RGS8: variants seen among roughly 807,000 people sequenced by gnomAD.
RGS8 encodes the protein regulator of G protein signaling 8.
Under a neutral mutation model 21.7 loss-of-function variants are expected in RGS8, and 8 were observed. That is an observed-to-expected ratio of 0.37 (90% CI 0.22 to 0.66). The LOEUF (loss-of-function observed/expected upper bound fraction) is 0.66. Ranked by LOEUF, RGS8 falls within the 30% of genes least tolerant of loss-of-function variation. The pLI is 0.59. For missense variants in RGS8, 157 were observed against 217.9 expected, an observed-to-expected ratio of 0.72 and a Z score of 1.76; for synonymous variants, 80 against 83.6, an observed-to-expected ratio of 0.96 and a Z score of 0.24.
chr1:182,701,705 C>T, the RGS8 span, among the ~76,000 whole-genome samples: 2 of 152,170 alleles, frequency 1.3e-5, no homozygotes, highest in Non-Finnish European at 2.9e-5. Context: ...TAGGCAGAGG[C>T]AAAGGAATCC....
the RGS8 span, among the ~76,000 whole-genome samples, chr1:182,705,316 G>C: frequency 6.6e-6 from 1 of 152,164 alleles, no homozygotes; most frequent in African/African-American, 2.4e-5. Context: ...AGCAGACAGA[G>C]CAAATTTACC....
rs944812453 is a variant in RGS8, at chr1:182,664,397, C to T, written c.193+1572G>A. ...TTATTAAATTTCTCATATTCAGTGA[C>T]AGGTAGCAAGCATCTCCATCACTAT... On this transcript the variant is annotated intron_variant, in intron 5 of 6. Coordinates refer to ENST00000483095, the Ensembl canonical transcript of RGS8. Among the ~76,000 whole-genome samples, 7 of 152,224 alleles carry T rather than the reference C, an allele frequency of 4.6e-5. No individual in the cohort carries two copies. The South Asian group carries it at 1.0e-3, about 23-fold the overall frequency.
upstream of RGS8, among the ~76,000 whole-genome samples, chr1:182,675,327 C>T (rs1473341521): frequency 6.6e-6 from 1 of 152,052 alleles, no homozygotes; most frequent in African/African-American, 2.4e-5. Context: ...TCATTTCCTC[C>T]CATCCATTGA....
chr1:182,666,256 G>T (rs766477851), intron 4 of RGS8, among the ~76,000 whole-genome samples: 1 of 152,150 alleles, frequency 6.6e-6, no homozygotes, highest in Non-Finnish European at 1.5e-5. Context: ...AGTGAATTTT[G>T]TCTGTTGGCT....
Position 182,670,975 on chromosome 1 carries a change from G to A in RGS8, c.-104+682C>T, listed in dbSNP as rs138203074. On this transcript the variant is annotated intron_variant, in intron 2 of 6. Coordinates refer to ENST00000483095, the Ensembl canonical transcript of RGS8. Reference sequence around the variant, plus strand: ...TCTTGCTGTGGGATATGGCCCCAGGGGAAGGGGAAACTCATGCAGGGACCT... The same window carrying A: ...TCTTGCTGTGGGATATGGCCCCAGGAGAAGGGGAAACTCATGCAGGGACCT... Among the ~76,000 whole-genome samples the A allele has an allele frequency of 5.8e-3, 885 of 152,270 alleles. 6 individuals are homozygous for A. Among genetic ancestry groups the A allele is most frequent in the African/African-American group, 0.018 (741 of 41,548 alleles).
At chr1:182,720,999 GTA>G in the RGS8 span, among the ~76,000 whole-genome samples, 15 of 91,388 alleles carry the variant, frequency 1.6e-4, no homozygotes, top group Admixed American at 7.5e-4. Context: ...ATATATGTGT[GTA>G]TATATACATA....
At chr1:182,669,652 A>T in exon 3 of RGS8, 1 of 1,614,232 alleles carries the variant, frequency 6.2e-7, no homozygotes, top group Non-Finnish European at 8.5e-7. Flanking sequence ...GCCGCCATAC[A>T]GGCATCAGCT....
chr1:182,720,958 C>T, the RGS8 span, among the ~76,000 whole-genome samples: 185 of 31,674 alleles, frequency 5.8e-3, 9 homozygotes, highest in Admixed American at 9.5e-3. Flanking sequence ...TATATACATA[C>T]ATATGTGTGT....
At chr1:182,643,264 T>G (rs1662544979), downstream of RGS8, 1 of 150,550 alleles carries the variant, frequency 6.6e-6, no homozygotes. Context: ...TCTACGTGCT[T>G]GCATGTGGAG....
chr1:182,697,094 C>T, the RGS8 span, among the ~76,000 whole-genome samples: 238 of 152,286 alleles, frequency 1.6e-3, 2 homozygotes, highest in African/African-American at 5.2e-3. Flanking sequence ...CTCACTCTGC[C>T]ACTTTTTACT....
At chr1:182,662,953 G>T (rs183065582) in intron 5 of RGS8, among the ~76,000 whole-genome samples, 1 of 129,382 alleles carries the variant, frequency 7.7e-6, no homozygotes, top group South Asian at 2.2e-4. Flanking sequence ...TTGAGAATGG[G>T]GAGGGGGGGA....
the RGS8 span, among the ~76,000 whole-genome samples, chr1:182,743,166 G>C: frequency 2.6e-5 from 4 of 152,110 alleles, no homozygotes; most frequent in Admixed American, 1.3e-4. Context: ...AAAGAGCATG[G>C]GATTTGGAAT....
chr1:182,674,248 C>T (rs543789574), upstream of RGS8, among the ~76,000 whole-genome samples: 2 of 152,092 alleles, frequency 1.3e-5, no homozygotes, highest in Admixed American at 6.5e-5. Flanking sequence ...GGGCCTGAGT[C>T]GCAAGTGGAA....
At chr1:182,666,655 G>GA (rs79757491) in intron 4 of RGS8, among the ~76,000 whole-genome samples, 6,411 of 119,410 alleles carry the variant, frequency 0.054, 238 homozygotes, top group African/African-American at 0.13. Flanking sequence ...GCTTACTTAG[G>GA]AAAAAAAAAA....
chr1:182,694,705 G>A, the RGS8 span, among the ~76,000 whole-genome samples: 7 of 151,986 alleles, frequency 4.6e-5, no homozygotes, highest in African/African-American at 1.7e-4. Flanking sequence ...CTACTTGGGA[G>A]GCTGAGGCAT....
At chr1:182,682,747 C>T (rs1445603497) in intron 1 of RGS8, among the ~76,000 whole-genome samples, 1 of 152,180 alleles carries the variant, frequency 6.6e-6, no homozygotes, top group Admixed American at 6.5e-5. Context: ...CCAACTCTGC[C>T]TATTCAGCTC....
the RGS8 span, among the ~76,000 whole-genome samples, chr1:182,706,093 C>T: frequency 8.6e-5 from 13 of 151,902 alleles, no homozygotes; most frequent in African/African-American, 3.1e-4. Flanking sequence ...AGTAATCCTC[C>T]CACTTCAGCC....
chr1:182,735,548 G>A, the RGS8 span, among the ~76,000 whole-genome samples: 1 of 152,302 alleles, frequency 6.6e-6, no homozygotes, highest in South Asian at 2.1e-4. Context: ...GCAGGAAAGA[G>A]TTGGAGATAG....
At chr1:182,697,938 G>A in the RGS8 span, among the ~76,000 whole-genome samples, 2 of 152,238 alleles carry the variant, frequency 1.3e-5, no homozygotes, top group South Asian at 4.1e-4. Flanking sequence ...GTAAGGCCAT[G>A]AGAACCGGTA....
Sources: allele counts gnomAD v4.1 joint callset (sites outside exome capture counted in the v4.1 genomes callset), GRCh38; gene constraint gnomAD v4.1.1; transcripts MANE v1.5; gene names NCBI Gene and HGNC (gene_info 2026-07-23, HGNC 2026-07-21).